The following NKAIN2 variants were observed in gnomAD, a reference collection of about 807,000 sequenced individuals.
NKAIN2 encodes the protein sodium/potassium-transporting ATPase subunit beta-1-interacting protein 2.
Under a neutral mutation model 32.6 loss-of-function variants are expected in NKAIN2, and 14 were observed. That is an observed-to-expected ratio of 0.43 (90% CI 0.28 to 0.67). The LOEUF is 0.67. Among genes scored for constraint, NKAIN2 ranks in the 30% least tolerant of loss-of-function variants. The pLI is 0.17. For synonymous variants in NKAIN2, 80 were observed against 87.2 expected (o/e 0.92, Z 0.46); for missense variants, 198 against 258.3 (o/e 0.77, Z 1.60).
chr6:123,889,923 T>A (rs1310150570), intron 1 of NKAIN2, among the ~76,000 whole-genome samples: 1 of 152,122 alleles, frequency 6.6e-6, no homozygotes, highest in Non-Finnish European at 1.5e-5. Flanking sequence ...GGTTTTTAAT[T>A]TTTTAGTTAT....
At chr6:124,631,372 A>G (rs1056459311) in intron 3 of NKAIN2, among the ~76,000 whole-genome samples, 3 of 152,204 alleles carry the variant, frequency 2.0e-5, no homozygotes, top group Admixed American at 1.3e-4. Flanking sequence ...TGAACTAGAT[A>G]GACTGATATC....
At chr6:123,819,855 T>A (rs575290422) in intron 1 of NKAIN2, among the ~76,000 whole-genome samples, 3 of 152,220 alleles carry the variant, frequency 2.0e-5, no homozygotes, top group African/African-American at 4.8e-5. Flanking sequence ...GAGAAAGAGT[T>A]TGTTCATTGC....
chr6:124,347,069 T>G (rs1356979279), intron 2 of NKAIN2, among the ~76,000 whole-genome samples: 2 of 151,492 alleles, frequency 1.3e-5, no homozygotes, highest in Admixed American at 6.6e-5. Flanking sequence ...GTCTGTAAAG[T>G]ATTTTATTTC....
At chr6:124,354,445 A>G (rs934939895) in intron 2 of NKAIN2, among the ~76,000 whole-genome samples, 2 of 152,216 alleles carry the variant, frequency 1.3e-5, no homozygotes, top group African/African-American at 4.8e-5. Context: ...GAGAGAAAAT[A>G]GAATAAATTT....
chr6:123,889,759 T>TCCGTCTCAAAAAAAAAAAAAAAA (rs1773907986), intron 1 of NKAIN2, among the ~76,000 whole-genome samples: 1 of 152,170 alleles, frequency 6.6e-6, no homozygotes, highest in African/African-American at 2.4e-5. Context: ...TTCAGGATGT[T>TCCGTCTCAAAAAAAAAAAAAAAA]ATTAGAAGTT....
chr6:124,005,481 C>T (rs1358405215), intron 1 of NKAIN2, among the ~76,000 whole-genome samples: 1 of 151,854 alleles, frequency 6.6e-6, no homozygotes, highest in Non-Finnish European at 1.5e-5. Flanking sequence ...ATGCCATATG[C>T]CATATTATAG....
intron 1 of NKAIN2, among the ~76,000 whole-genome samples, chr6:123,825,032 A>G (rs1280725722): frequency 1.3e-5 from 2 of 152,138 alleles, no homozygotes; most frequent in African/African-American, 2.4e-5. Context: ...GAAGTTCAAG[A>G]TCTCACCGGG....
chr6:124,499,877 A>T (rs1198190035), intron 3 of NKAIN2, among the ~76,000 whole-genome samples: 3 of 152,228 alleles, frequency 2.0e-5, no homozygotes, highest in Non-Finnish European at 4.4e-5. Flanking sequence ...TGGACAGGAA[A>T]AAAGTATGCA....
intron 3 of NKAIN2, among the ~76,000 whole-genome samples, chr6:124,538,524 A>T (rs1779797787): frequency 6.6e-6 from 1 of 152,032 alleles, no homozygotes; most frequent in South Asian, 2.1e-4. Context: ...AGTCATTCTG[A>T]TATGTTTACA....
chr6:124,543,518 C>G (rs942046503), intron 3 of NKAIN2, among the ~76,000 whole-genome samples: 2 of 151,972 alleles, frequency 1.3e-5, no homozygotes, highest in African/African-American at 2.4e-5. Flanking sequence ...GAAAATCTTA[C>G]CATTGACTAG....
chr6:124,711,123 G>A (rs1352582488), intron 4 of NKAIN2, among the ~76,000 whole-genome samples: 2 of 142,208 alleles, frequency 1.4e-5, no homozygotes, highest in Non-Finnish European at 3.0e-5. Flanking sequence ...ATTCTGGGTT[G>A]AAAATTCTTT....
intron 4 of NKAIN2, among the ~76,000 whole-genome samples, chr6:124,730,903 CAT>C (rs1005098637): frequency 7.8e-6 from 1 of 127,522 alleles, no homozygotes; most frequent in Non-Finnish European, 1.6e-5. Context: ...GGGCGAAGGA[CAT>C]GAACAGACAC....
chr6:124,802,742 A>G (rs1160333312), intron 5 of NKAIN2, among the ~76,000 whole-genome samples: 1 of 152,042 alleles, frequency 6.6e-6, no homozygotes, highest in East Asian at 1.9e-4. Context: ...GACCATAAAC[A>G]CCTATCTATT....
At chr6:124,040,996 C>A (rs1280526651) in intron 1 of NKAIN2, among the ~76,000 whole-genome samples, 1 of 151,954 alleles carries the variant, frequency 6.6e-6, no homozygotes, top group East Asian at 1.9e-4. Context: ...TATTGAAGGA[C>A]TCATTCCCAG....
At chr6:124,431,020 T>C (rs1031783512) in intron 3 of NKAIN2, among the ~76,000 whole-genome samples, 3 of 152,196 alleles carry the variant, frequency 2.0e-5, no homozygotes, top group Non-Finnish European at 2.9e-5. Flanking sequence ...TGGAACTTTA[T>C]TGAGTGAAAA....
chr6:124,796,870 C>T (rs976662684), intron 5 of NKAIN2, among the ~76,000 whole-genome samples: 6 of 152,216 alleles, frequency 3.9e-5, no homozygotes, highest in African/African-American at 1.4e-4. Context: ...GCTGTCTCAT[C>T]TGTCACCAGC....
intron 1 of NKAIN2, among the ~76,000 whole-genome samples, chr6:123,894,274 G>A (rs1348645072): frequency 2.0e-5 from 3 of 152,148 alleles, no homozygotes; most frequent in East Asian, 1.9e-4. Context: ...GTGGGTCAGC[G>A]AGTGCCACTG....
At chr6:124,507,088 CAAA>C (rs1661458859) in intron 3 of NKAIN2, among the ~76,000 whole-genome samples, 1 of 152,166 alleles carries the variant, frequency 6.6e-6, no homozygotes, top group Non-Finnish European at 1.5e-5. Context: ...TTTATAATAA[CAAA>C]GAAGAAAGGA....
At chr6:124,216,971 A>T (rs1220587735) in intron 1 of NKAIN2, among the ~76,000 whole-genome samples, 1 of 152,204 alleles carries the variant, frequency 6.6e-6, no homozygotes, top group African/African-American at 2.4e-5. Flanking sequence ...TTGACTGTAT[A>T]TTACACCATT....
Sources: gnomAD v4.1 joint callset for allele counts (sites outside exome capture counted in the v4.1 genomes callset) on GRCh38, gnomAD v4.1.1 for gene constraint, MANE v1.5 for transcripts, NCBI Gene and HGNC (gene_info 2026-07-23, HGNC 2026-07-21) for gene names.